The following ZBTB16 variants were observed in gnomAD, a reference collection of about 807,000 sequenced individuals.
ZBTB16 encodes zinc finger and BTB domain containing 16, also known as zinc finger and BTB domain-containing protein 16.
Under a neutral mutation model 56.8 loss-of-function variants are expected in ZBTB16, and 8 were observed. That is an observed-to-expected ratio of 0.14 (90% CI 0.08 to 0.25). The LOEUF (loss-of-function observed/expected upper bound fraction) is 0.25. Ranked by LOEUF, ZBTB16 falls within the 10% of genes least tolerant of loss-of-function variation. The pLI is 1.00. For synonymous variants in ZBTB16, 363 were observed against 368.5 expected, an observed-to-expected ratio of 0.98 and a Z score of 0.17; for missense variants, 625 against 903.0, an observed-to-expected ratio of 0.69 and a Z score of 3.95.
Position 114,064,229 on chromosome 11 carries a change from C to G in ZBTB16, c.929C>G (p.Ala310Gly). Reference sequence around the variant, plus strand: ...AGTGCCGAGCAGGTGCCACCCCCAGCTGAGGCTGGCCAGGCCCCCACTGGC... The same window carrying G: ...AGTGCCGAGCAGGTGCCACCCCCAGGTGAGGCTGGCCAGGCCCCCACTGGC... Reference protein sequence around the residue: ...EESAEQVPPPAEAGQAPTGRP... With the variant: ...EESAEQVPPPGEAGQAPTGRP... The change falls in exon 2 of 7, where the codon GCT becomes GGT. Residue 310 changes from alanine (A) to glycine (G), a missense_variant. By Grantham distance (60) the Ala-to-Gly change is moderately conservative. Around this residue, in one of 6 missense-constraint regions of ZBTB16, gnomAD observed 384 missense variants for 393.5 expected, o/e 0.98. Transcript: ENST00000335953. The surrounding 1 kb of genome is among the most constrained non-coding windows in gnomAD (Gnocchi z 4.2). 1.2e-6 allele frequency: 2 copies of G among 1,614,034 alleles called. No individual in the cohort carries two copies. The highest frequency in any genetic ancestry group is 1.7e-6 in the Non-Finnish European group (2 of 1,180,032).
intron 4 of ZBTB16, among the ~76,000 whole-genome samples, chr11:114,240,922 T>C (rs937429478): frequency 6.6e-6 from 1 of 152,242 alleles, no homozygotes; most frequent in Non-Finnish European, 1.5e-5. Flanking sequence ...AGACCCTGCA[T>C]GGCCTGGCCC....
intron 4 of ZBTB16, among the ~76,000 whole-genome samples, chr11:114,197,469 CTT>C (rs1056513311): frequency 6.6e-6 from 1 of 152,180 alleles, no homozygotes; most frequent in African/African-American, 2.4e-5. Context: ...CTCTCTCTCT[CTT>C]TGCACTGTGT....
intron 2 of ZBTB16, among the ~76,000 whole-genome samples, chr11:114,139,618 G>A (rs886279059): frequency 1.0e-4 from 13 of 129,256 alleles, no homozygotes; most frequent in South Asian, 6.9e-4. Context: ...GTATGTGCCC[G>A]CGGTCCACGT....
intron 2 of ZBTB16, among the ~76,000 whole-genome samples, chr11:114,076,902 A>G (rs1383482314): frequency 2.6e-5 from 4 of 152,188 alleles, no homozygotes; most frequent in South Asian, 4.2e-4. Flanking sequence ...CCTGACAGCT[A>G]CAAGAGTAGT....
rs138086101 is a variant in ZBTB16 at position 114,073,934 on chromosome 11, G to A, written c.1268+9366G>A. Among the ~76,000 whole-genome samples, 1,247 of 152,302 alleles carry A rather than the reference G, an allele frequency of 8.2e-3. 14 individuals are homozygous for A. Among genetic ancestry groups the A allele is most frequent in the African/African-American group, 0.028 (1,147 of 41,552 alleles). ...TGCCACCAAACCATCGTCTTAGTGG[G>A]AGATGGGGTGGCACTGCAGGGGCAG... On this transcript the variant is annotated intron_variant, in intron 2 of 6. Transcript: ENST00000335953.
chr11:114,148,910 G>A (rs4938075), intron 2 of ZBTB16, among the ~76,000 whole-genome samples: 117,050 of 150,290 alleles, frequency 0.78, 46,038 homozygotes, highest in Middle Eastern at 0.91. Flanking sequence ...GTATCCGCAT[G>A]TGTGTGTAGA....
intron 2 of ZBTB16, among the ~76,000 whole-genome samples, chr11:114,065,413 A>G (rs1000890876): frequency 3.9e-5 from 6 of 152,112 alleles, no homozygotes; most frequent in African/African-American, 9.6e-5. Context: ...TGAGATAGGT[A>G]ATGTCCTTCT....
chr11:114,092,668 C>T (rs1176745245), intron 2 of ZBTB16, among the ~76,000 whole-genome samples: 1 of 152,132 alleles, frequency 6.6e-6, no homozygotes, highest in Non-Finnish European at 1.5e-5. Flanking sequence ...TTAGTTTGTG[C>T]ATCTCTAAAA....
At chr11:114,125,031 G>A (rs573356137) in intron 2 of ZBTB16, among the ~76,000 whole-genome samples, 10 of 151,990 alleles carry the variant, frequency 6.6e-5, no homozygotes, top group Non-Finnish European at 1.2e-4. Context: ...CCCTCTTCTC[G>A]GGGTCAGCCA....
At chr11:114,232,677 TCTC>T (rs751606887) in intron 4 of ZBTB16, among the ~76,000 whole-genome samples, 4 of 110,302 alleles carry the variant, frequency 3.6e-5, no homozygotes, top group African/African-American at 8.2e-5. Flanking sequence ...AAGCTGCCCT[TCTC>T]CTCTCTGGGT....
intron 3 of ZBTB16, among the ~76,000 whole-genome samples, chr11:114,171,022 G>A (rs776109141): frequency 6.6e-6 from 1 of 152,124 alleles, no homozygotes; most frequent in Admixed American, 6.5e-5. Context: ...GAGCACTGCT[G>A]GGGGGCCAGT....
chr11:114,120,703 A>T (rs989434709), intron 2 of ZBTB16, among the ~76,000 whole-genome samples: 9 of 152,204 alleles, frequency 5.9e-5, no homozygotes, highest in African/African-American at 2.2e-4. Flanking sequence ...CTTAAGCTGA[A>T]TACAGGGTCT....
chr11:114,231,898 C>G (rs990755972), intron 4 of ZBTB16, among the ~76,000 whole-genome samples: 3 of 152,180 alleles, frequency 2.0e-5, no homozygotes, highest in Non-Finnish European at 4.4e-5. Context: ...TTATATCCCT[C>G]TTCATTTTAC....
chr11:114,070,209 C>T (rs2735198), intron 2 of ZBTB16, among the ~76,000 whole-genome samples: 101,401 of 149,398 alleles, frequency 0.68, 37,328 homozygotes, highest in Non-Finnish European at 0.82. Flanking sequence ...CCCGGGTTCA[C>T]GCCATTCTCC....
intron 2 of ZBTB16, among the ~76,000 whole-genome samples, chr11:114,081,254 T>C (rs1192365680): frequency 1.3e-5 from 2 of 152,140 alleles, no homozygotes; most frequent in African/African-American, 2.4e-5. Context: ...GGGACACTCA[T>C]TAACCTCTCT....
chr11:114,106,471 T>TC (rs1491231647), intron 2 of ZBTB16, among the ~76,000 whole-genome samples: 2 of 150,624 alleles, frequency 1.3e-5, no homozygotes, highest in Non-Finnish European at 2.9e-5. Flanking sequence ...TTCACGATCT[T>TC]CTTTTTTTTT....
chr11:114,208,942 C>T (rs1005162116), intron 4 of ZBTB16, among the ~76,000 whole-genome samples: 2 of 152,184 alleles, frequency 1.3e-5, no homozygotes, highest in African/African-American at 4.8e-5. Context: ...ACAGGCAAAC[C>T]ATTCCAGATC....
chr11:114,112,070 G>T (rs975502114), intron 2 of ZBTB16, among the ~76,000 whole-genome samples: 1 of 152,076 alleles, frequency 6.6e-6, no homozygotes, highest in Non-Finnish European at 1.5e-5. Flanking sequence ...AAACCCAAAG[G>T]TTATAGAGGA....
chr11:114,125,024 TCTTCTCGGGGTCAGCCACAGA>T (rs980942293), intron 2 of ZBTB16, among the ~76,000 whole-genome samples: 26 of 151,998 alleles, frequency 1.7e-4, no homozygotes, highest in Non-Finnish European at 3.5e-4. Flanking sequence ...GGCCTGACCC[TCTTCTCGGGGTCAGCCACAGA>T]TCCCAGATCC....
Sources: gnomAD v4.1 joint callset for allele counts (sites outside exome capture counted in the v4.1 genomes callset) on GRCh38, gnomAD v4.1.1 for gene constraint, gnomAD v4.1.1 regional missense constraint, Gnocchi (gnomAD v3.1) non-coding constraint, MANE v1.5 for transcripts, NCBI Gene and HGNC (gene_info 2026-07-23, HGNC 2026-07-21) for gene names.